The following NLGN4X variants were observed in gnomAD, a reference collection of about 807,000 sequenced individuals.
NLGN4X encodes neuroligin-4, X-linked.
In NLGN4X, 3 loss-of-function variants were observed where a neutral mutation model predicts 40.3. The ratio of observed to expected loss-of-function variants is 0.07; its 90% CI spans 0.03 to 0.19. NLGN4X has a LOEUF of 0.19. NLGN4X is among the 10% of genes least tolerant of loss of function. The pLI is 1.00. For synonymous variants in NLGN4X, 270 were observed against 306.8 expected, an observed-to-expected ratio of 0.88 and a Z score of 1.25; for missense variants, 382 against 708.3, an observed-to-expected ratio of 0.54 and a Z score of 5.23.
At chrX:6,075,906 A>G (rs1237776661) in intron 2 of NLGN4X, among the ~76,000 whole-genome samples, 2 of 111,709 alleles carry the variant, frequency 1.8e-5, no homozygotes, top group African/African-American at 6.5e-5. Flanking sequence ...CTTAATTGCA[A>G]AACTAAATGG....
rs776506657 is a variant in NLGN4X at position 6,183,974 on chromosome X, A to T, written c.-305-32203T>A. Among the ~76,000 whole-genome samples, 3 of 112,497 alleles carry T rather than the reference A, an allele frequency of 2.7e-5. No individual in the cohort carries two copies. In the South Asian group the frequency reaches 1.1e-3, roughly 41 times the overall value. On this transcript the variant is annotated intron_variant, in intron 1 of 5. Transcript: ENST00000381095. Reference sequence around the variant, plus strand: ...AAATATAAAATAATAAATGACAATTATTCACTCTCAGTTAATTAACTGATT... The same window carrying T: ...AAATATAAAATAATAAATGACAATTTTTCACTCTCAGTTAATTAACTGATT...
At chrX:6,171,328 C>T (rs2040602419) in intron 1 of NLGN4X, among the ~76,000 whole-genome samples, 1 of 112,258 alleles carries the variant, frequency 8.9e-6, no homozygotes, top group Non-Finnish European at 1.9e-5. Flanking sequence ...ATCTCAAGTA[C>T]TATTTCTACA....
chrX:5,903,767 A>G lies in NLGN4X; in HGVS notation c.911T>C (p.Val304Ala). 8.3e-7 allele frequency: 1 copy of G among 1,211,526 alleles called. No homozygotes were observed. The highest frequency in any genetic ancestry group is 1.1e-6 in the Non-Finnish European group (1 of 895,483). Residue 304 changes from valine (V) to alanine (A), a missense_variant, in exon 5 of 6, where the codon GTC becomes GCC. Physicochemically the swap from Val to Ala is moderately conservative, Grantham distance 64. Transcript: ENST00000381095. ...AKYTRILADKVGCNMLDTTDM... is the reference protein window; with the variant it reads ...AKYTRILADKAGCNMLDTTDM... ...CGTGGTGTCCAGCATGTTGCAGCCG[A>G]CCTTGTCTGCCAATATCCGAGTGTA...
At chrX:6,181,670 A>G (rs1415749291) in intron 1 of NLGN4X, among the ~76,000 whole-genome samples, 19 of 111,179 alleles carry the variant, frequency 1.7e-4, no homozygotes, top group Non-Finnish European at 2.3e-4. Flanking sequence ...TAACCAATTA[A>G]TCCTTTTACA....
At chrX:6,120,479 C>T (rs1349218529) in intron 2 of NLGN4X, among the ~76,000 whole-genome samples, 1 of 111,860 alleles carries the variant, frequency 8.9e-6, no homozygotes, top group Non-Finnish European at 1.9e-5. Context: ...AAAGATCTCG[C>T]ATGAGTCAGG....
At chrX:5,938,645 G>GT (rs778984612) in intron 3 of NLGN4X, among the ~76,000 whole-genome samples, 2 of 110,775 alleles carry the variant, frequency 1.8e-5, no homozygotes, top group South Asian at 7.8e-4. Flanking sequence ...AAGAAGCAAT[G>GT]GTCAAAGGCC....
chrX:5,949,121 G>T (rs2034223661), intron 3 of NLGN4X, among the ~76,000 whole-genome samples: 1 of 111,891 alleles, frequency 8.9e-6, no homozygotes, highest in African/African-American at 3.2e-5. Context: ...AAGTCCCAGT[G>T]CTTTACTCCC....
chrX:6,014,879 A>G (rs928031046), intron 3 of NLGN4X, among the ~76,000 whole-genome samples: 3 of 111,372 alleles, frequency 2.7e-5, no homozygotes, highest in African/African-American at 9.8e-5. Context: ...CTTCACCACT[A>G]CTTTCCAGCT....
Position 6,071,083 on chromosome X carries a change from G to A in NLGN4X, c.473-41651C>T, listed in dbSNP as rs60299053. Among the ~76,000 whole-genome samples, 907 of 111,226 alleles carry A rather than the reference G, an allele frequency of 8.2e-3. 8 individuals carry two copies. Among genetic ancestry groups the A allele is most frequent in the African/African-American group, 0.028 (863 of 30,565 alleles). On this transcript the variant is annotated intron_variant, in intron 2 of 5. Coordinates refer to ENST00000381095, the MANE Select transcript of NLGN4X (RefSeq NM_181332.3). ...GGTTGAGGCTGCAGTGAGCTATGAT[G>A]GTACCACTGCACTGCAGCCTGGGCA...
intron 3 of NLGN4X, among the ~76,000 whole-genome samples, chrX:5,935,812 A>T (rs1341376713): frequency 8.9e-6 from 1 of 112,246 alleles, no homozygotes; most frequent in African/African-American, 3.2e-5. Flanking sequence ...CTATTCAATG[A>T]AAAGGGAAAT....
At chrX:6,188,970 C>T (rs1445692563) in intron 1 of NLGN4X, among the ~76,000 whole-genome samples, 3 of 112,375 alleles carry the variant, frequency 2.7e-5, no homozygotes, top group Admixed American at 1.9e-4. Flanking sequence ...TTGAAATTTT[C>T]GAGTATTAAA....
At chrX:6,105,118 T>A (rs1409728659) in intron 2 of NLGN4X, among the ~76,000 whole-genome samples, 1 of 110,259 alleles carries the variant, frequency 9.1e-6, no homozygotes, top group Non-Finnish European at 1.9e-5. Flanking sequence ...TGGAATGCAG[T>A]GGCATGATTT....
intron 3 of NLGN4X, among the ~76,000 whole-genome samples, chrX:5,998,510 C>T (rs1189424561): frequency 6.3e-5 from 7 of 111,744 alleles, no homozygotes; most frequent in African/African-American, 2.3e-4. Context: ...TTTTTCAGCA[C>T]CTAGCACCAT....
chrX:6,031,123 T>G (rs1209005131), intron 2 of NLGN4X, among the ~76,000 whole-genome samples: 1 of 112,028 alleles, frequency 8.9e-6, no homozygotes, highest in African/African-American at 3.2e-5. Flanking sequence ...GAAATGAAAA[T>G]TAGATGGCAT....
At chrX:6,063,036 C>A (rs2037810348) in intron 2 of NLGN4X, among the ~76,000 whole-genome samples, 1 of 111,082 alleles carries the variant, frequency 9.0e-6, no homozygotes, top group South Asian at 3.8e-4. Context: ...TTTCCCTTAG[C>A]TATTTCAATT....
chrX:5,907,961 T>G (rs1330249429), intron 4 of NLGN4X, among the ~76,000 whole-genome samples: 1 of 79,332 alleles, frequency 1.3e-5, no homozygotes, highest in Non-Finnish European at 2.3e-5. Flanking sequence ...AGATAGTGAG[T>G]AAGAGAGTGG....
At chrX:5,964,415 A>C (rs1239606655) in intron 3 of NLGN4X, among the ~76,000 whole-genome samples, 1 of 112,421 alleles carries the variant, frequency 8.9e-6, no homozygotes, top group Non-Finnish European at 1.9e-5. Flanking sequence ...CCGACACAGA[A>C]AGAATGACAG....
At chrX:6,197,453 T>TTTTTTTTTTTTTTTG (rs1327294621) in intron 1 of NLGN4X, among the ~76,000 whole-genome samples, 5 of 106,657 alleles carry the variant, frequency 4.7e-5, no homozygotes, top group African/African-American at 6.8e-5. Flanking sequence ...GTATTTTTTA[T>TTTTTTTTTTTTTTTG]AGAGACGGAG....
chrX:5,909,008 T>C, intron 4 of NLGN4X, 46 bp downstream of exon 4: 1 of 1,185,531 alleles, frequency 8.4e-7, no homozygotes, highest in Non-Finnish European at 1.1e-6. Context: ...CATTCATTTC[T>C]TGGTTCAGGG....
Sources: gnomAD v4.1 joint callset for allele counts (sites outside exome capture counted in the v4.1 genomes callset) on GRCh38, gnomAD v4.1.1 for gene constraint, MANE v1.5 for transcripts, NCBI Gene and HGNC (gene_info 2026-07-23, HGNC 2026-07-21) for gene names.